Variants in SAYSD1 observed in about 807,000 individuals in gnomAD.
SAYSD1 encodes the protein SAYSvFN domain-containing protein 1.
SAYSD1 carries 15 observed loss-of-function variants against 14.5 expected under a neutral mutation model. The ratio of observed to expected loss-of-function variants is 1.03; its 90% CI spans 0.69 to 1.59. The LOEUF is 1.59. Ranked by LOEUF, SAYSD1 falls within the 40% of genes most tolerant of loss-of-function variation. The probability of loss-of-function intolerance (pLI) is 0.00; values close to 1 mark genes in which losing one functional copy is unlikely to be tolerated. For synonymous variants in SAYSD1, 105 were observed against 102.6 expected, an observed-to-expected ratio of 1.02 and a Z score of -0.14; for missense variants, 247 against 227.3, an observed-to-expected ratio of 1.09 and a Z score of -0.56.
rs1769726266 is a variant in SAYSD1 at position 39,115,179 on chromosome 6, GTGCGCC to G, written c.-96_-91del. The G allele has an allele frequency of 8.1e-7, 1 of 1,241,496 alleles. No individual in the cohort carries two copies. The highest frequency in any genetic ancestry group is 1.1e-6 in the Non-Finnish European group (1 of 924,036). 76.9% of individuals were successfully genotyped at this position (1,241,496 alleles called of 1,614,324 possible). A position where few individuals can be genotyped will look rare whatever the true frequency, so the allele number is the denominator to read the frequency against. ...CTCCGCTCGGCCCGCGCCGGCCGCC[GTGCGCC>G]TGCGTGGCAGAAGCCCCTGCTGAGC... On this transcript the variant is annotated 5_prime_UTR_variant, in exon 1 of 2. Transcript: ENST00000229903.
Position 39,115,132 on chromosome 6 carries a change from C to G in SAYSD1, c.-43G>C. The stretch of plus-strand genomic sequence containing the variant: ...CGTTGGCCGATAAGGGAGCGCGCGC[C>G]CGCAGGCCGCACAGCAGTTGCCTCC... On this transcript the variant is annotated 5_prime_UTR_variant, in exon 1 of 2. Transcript: ENST00000229903. 4 of 1,558,812 alleles carry G rather than the reference C, an allele frequency of 2.6e-6. No homozygotes were observed. Among genetic ancestry groups the G allele is most frequent in the Non-Finnish European group, 3.5e-6 (4 of 1,156,478 alleles).
intron 1 of SAYSD1, among the ~76,000 whole-genome samples, chr6:39,114,682 G>A (rs1245246250): frequency 6.6e-6 from 1 of 152,228 alleles, no homozygotes; most frequent in Non-Finnish European, 1.5e-5. Flanking sequence ...ACCTGCGTGG[G>A]TCGCGGGCTG....
At position 39,109,466 on chromosome 6, in the gene SAYSD1, G is replaced by A. The variant is rs558696652; in HGVS notation, c.208-3690C>T. ...ATGCAGCGGCATTGTCAGTCACAGCGAGGCCCGGGTCGGGGCAGAGGCATC... is the reference window on the plus strand; with the variant it reads ...ATGCAGCGGCATTGTCAGTCACAGCAAGGCCCGGGTCGGGGCAGAGGCATC... On this transcript the variant is annotated intron_variant, in intron 1 of 1. Transcript: ENST00000229903. The A allele has an allele frequency of 1.6e-3, 2,517 of 1,529,832 alleles. 2 individuals are homozygous for A. The highest frequency in any genetic ancestry group is 2.0e-3 in the Non-Finnish European group (2,290 of 1,136,668). The allele number at this position is 1,529,832 out of a possible 1,614,324, so 94.8% of individuals were successfully genotyped here.
chr6:39,109,566 G>C, intron 1 of SAYSD1: 1 of 1,422,782 alleles, frequency 7.0e-7, no homozygotes, highest in Non-Finnish European at 9.2e-7. Context: ...TAGTTATTTT[G>C]ATGGCCAAAG....
chr6:39,114,375 TA>T (rs1769691033), intron 1 of SAYSD1, among the ~76,000 whole-genome samples: 1 of 152,268 alleles, frequency 6.6e-6, no homozygotes, highest in Admixed American at 6.5e-5. Context: ...TACCGGCAGT[TA>T]CAGCTACCAC....
intron 1 of SAYSD1, among the ~76,000 whole-genome samples, chr6:39,108,055 A>C (rs182409164): frequency 2.0e-5 from 3 of 152,246 alleles, no homozygotes; most frequent in Non-Finnish European, 1.5e-5. Flanking sequence ...TGGTGACAGC[A>C]GTCAGATGGA....
intron 1 of SAYSD1, 24 bp downstream of exon 1, chr6:39,114,859 G>A (rs774274820): frequency 2.5e-6 from 4 of 1,606,828 alleles, no homozygotes; most frequent in African/African-American, 1.3e-5. Context: ...CCAGGTCCTA[G>A]GGCCGAAGTT....
intron 1 of SAYSD1, among the ~76,000 whole-genome samples, chr6:39,107,596 CTGATT>C (rs1171330631): frequency 6.6e-6 from 1 of 152,196 alleles, no homozygotes; most frequent in Non-Finnish European, 1.5e-5. Flanking sequence ...TACTGGTCAT[CTGATT>C]TATGATGTTT....
intron 1 of SAYSD1, among the ~76,000 whole-genome samples, chr6:39,114,531 C>T (rs949611311): frequency 6.6e-6 from 1 of 152,264 alleles, no homozygotes. Flanking sequence ...TACCCTCCTC[C>T]ATTAGCAGAG....
In SAYSD1 at chr6:39,114,970, A is replaced by C; in HGVS notation, c.120T>G (p.Thr40=). Residue 40 remains threonine (T), a synonymous_variant, in exon 1 of 2, where the codon ACT becomes ACG. Transcript: ENST00000229903. The part of the protein sequence containing the change: ...TPGEKAEAAA[T]LKAAPGWLKR... The stretch of plus-strand genomic sequence containing the variant: ...TTAGCCAGCCTGGGGCTGCCTTTAG[A>C]GTCGCTGCTGCTTCCGCCTTCTCTC... 1.2e-6 allele frequency: 2 copies of C among 1,613,924 alleles called. No individual in the cohort carries two copies. Among genetic ancestry groups the C allele is most frequent in the Non-Finnish European group, 1.7e-6 (2 of 1,179,906 alleles).
chr6:39,111,653 G>GT (rs1350132007), intron 1 of SAYSD1: 3 of 152,162 alleles, frequency 2.0e-5, no homozygotes, highest in Non-Finnish European at 4.4e-5. Context: ...TACCCTCATT[G>GT]TAAGAAGTTT....
intron 1 of SAYSD1, among the ~76,000 whole-genome samples, chr6:39,106,767 A>T (rs1411636339): frequency 5.3e-5 from 8 of 152,200 alleles, no homozygotes; most frequent in African/African-American, 1.9e-4. Flanking sequence ...TGTCTACAGG[A>T]TAAAATCCAA....
chr6:39,108,324 G>A (rs899533857), intron 1 of SAYSD1, among the ~76,000 whole-genome samples: 3 of 150,732 alleles, frequency 2.0e-5, no homozygotes, highest in African/African-American at 2.4e-5. Context: ...GGTCAGTCTC[G>A]GATCCTAGGA....
rs1769472922 is a variant in SAYSD1 at position 39,105,245 on chromosome 6, G to C, written c.*187C>G. The C allele has an allele frequency of 5.1e-6, 3 of 590,168 alleles. No individual in the cohort carries two copies. The highest frequency in any genetic ancestry group is 6.1e-5 in the Admixed American group (2 of 32,992). The allele number at this position is 590,168 out of a possible 1,614,324, so 36.6% of individuals were successfully genotyped here. ...TCGGACCCACAGTGAATGTATTTTA[G>C]AGAGTTTCACCAAAACTATCAAAGA... On this transcript the variant is annotated 3_prime_UTR_variant, in exon 2 of 2. Transcript: ENST00000229903.
intron 1 of SAYSD1, among the ~76,000 whole-genome samples, chr6:39,106,610 C>T (rs547736713): frequency 6.6e-6 from 1 of 152,190 alleles, no homozygotes; most frequent in Non-Finnish European, 1.5e-5. Context: ...AGGTCATTGT[C>T]ACTCACCCAA....
intron 1 of SAYSD1, chr6:39,110,716 A>G (rs1417719433): frequency 6.6e-6 from 1 of 152,192 alleles, no homozygotes; most frequent in Non-Finnish European, 1.5e-5. Flanking sequence ...GAAACAAGCA[A>G]ATGTACATGC....
chr6:39,106,626 A>G (rs1482124949), intron 1 of SAYSD1, among the ~76,000 whole-genome samples: 1 of 152,218 alleles, frequency 6.6e-6, no homozygotes, highest in Non-Finnish European at 1.5e-5. Flanking sequence ...CCCAAGGCCC[A>G]GCCAATGTCT....
intron 1 of SAYSD1, among the ~76,000 whole-genome samples, chr6:39,110,036 G>A (rs538842704): frequency 3.8e-4 from 58 of 152,240 alleles, no homozygotes; most frequent in African/African-American, 1.2e-3. Context: ...CACTTCTGTC[G>A]TGGAAGGGTA....
rs781393578 is a variant in SAYSD1 at position 39,115,085 on chromosome 6, TC to T, written c.4del (p.Glu2AsnfsTer4). On this transcript the variant is annotated frameshift_variant, in exon 1 of 2. Transcript: ENST00000229903. LOFTEE classifies it high-confidence loss of function. ...CGCCCGAAACTCAGCTAACCGCTGT[TC>T]CATGGCGCGCGCCTCGCGTCCGTTG... is the stretch of plus-strand genomic sequence containing the variant. Reference protein sequence around the residue: MEQRLAEFRAAR... With the variant: MXQRLAEFRAAR... 2 of 1,602,592 alleles carry T rather than the reference TC, an allele frequency of 1.2e-6. No individual in the cohort carries two copies. Among genetic ancestry groups the T allele is most frequent in the South Asian group, 2.2e-5 (2 of 90,866 alleles).
Sources: allele counts gnomAD v4.1 joint callset (sites outside exome capture counted in the v4.1 genomes callset), GRCh38; gene constraint gnomAD v4.1.1; transcripts MANE v1.5; gene names NCBI Gene and HGNC (gene_info 2026-07-23, HGNC 2026-07-21).